PHF21B: variants seen among roughly 807,000 people sequenced by gnomAD.
PHF21B encodes PHD finger protein 21B, also known as PHD finger protein 4.
Under a neutral mutation model 62.2 loss-of-function variants are expected in PHF21B, and 22 were observed. The ratio of observed to expected loss-of-function variants is 0.35; its 90% confidence interval spans 0.25 to 0.51. PHF21B has a LOEUF of 0.51. Among genes scored for constraint, PHF21B ranks in the 20% least tolerant of loss-of-function variants. The pLI is 0.97. For synonymous variants in PHF21B, 341 were observed against 314.7 expected (o/e 1.08, Z -0.88); for missense variants, 701 against 707.9 (o/e 0.99, Z 0.11).
At chr22:44,914,741 T>C (rs2147299347) in intron 4 of PHF21B, among the ~76,000 whole-genome samples, 1 of 152,310 alleles carries the variant, frequency 6.6e-6, no homozygotes, top group East Asian at 1.9e-4. Context: ...GATGCCACCC[T>C]GCAGCAGCCC....
At chr22:44,914,758 G>C (rs1460222946) in intron 4 of PHF21B, among the ~76,000 whole-genome samples, 2 of 152,216 alleles carry the variant, frequency 1.3e-5, no homozygotes, top group African/African-American at 4.8e-5. Context: ...GCCCCCCTTA[G>C]CCAGCCTGCC....
intron 2 of PHF21B, among the ~76,000 whole-genome samples, chr22:45,000,365 G>A (rs1034058400): frequency 2.0e-5 from 3 of 152,088 alleles, no homozygotes; most frequent in African/African-American, 7.2e-5. Context: ...GGAGTGTGGC[G>A]CCCTCAGGAC....
In PHF21B at chr22:45,009,408, C is replaced by G. The variant is rs1246810372; in HGVS notation, c.54+88G>C. ...CTCCAGCCTGGAAGACCCAGAGACC[C>G]GGAAGAGAGGATGCTGGGCTCGGGT... On this transcript the variant is annotated intron_variant, in intron 1 of 12. Transcript: ENST00000313237. This position sits in a 1 kb window ranked among gnomAD's most constrained non-coding sequence, Gnocchi z 5.9. 5.2e-6 allele frequency: 7 copies of G among 1,342,574 alleles called. No individual in the cohort carries two copies. Among genetic ancestry groups the G allele is most frequent in the South Asian group, 1.4e-5 (1 of 71,144 alleles). 83.2% of individuals were successfully genotyped at this position (1,342,574 alleles called of 1,614,324 possible).
intron 2 of PHF21B, among the ~76,000 whole-genome samples, chr22:44,988,497 G>A (rs562362404): frequency 6.6e-6 from 1 of 151,966 alleles, no homozygotes; most frequent in South Asian, 2.1e-4. Context: ...GGAAATAGAA[G>A]GAAGAAAAAA....
chr22:44,895,569 C>T (rs1053350135), intron 6 of PHF21B, among the ~76,000 whole-genome samples: 3 of 152,192 alleles, frequency 2.0e-5, no homozygotes, highest in Admixed American at 6.5e-5. Context: ...GAGGACAGTT[C>T]GGCCATTACC....
intron 2 of PHF21B, among the ~76,000 whole-genome samples, chr22:44,943,455 T>C (rs1044416957): frequency 1.3e-5 from 2 of 152,176 alleles, no homozygotes; most frequent in South Asian, 4.1e-4. Context: ...ACGATGAGCA[T>C]GTGGGGCTCT....
At chr22:44,911,254 G>C (rs540412742) in intron 5 of PHF21B, among the ~76,000 whole-genome samples, 1 of 152,284 alleles carries the variant, frequency 6.6e-6, no homozygotes, top group Admixed American at 6.5e-5. Flanking sequence ...CAATGCGATA[G>C]AAAAGAAAAA....
intron 2 of PHF21B, among the ~76,000 whole-genome samples, chr22:44,933,089 G>C (rs1271407347): frequency 1.3e-5 from 2 of 151,554 alleles, no homozygotes; most frequent in Non-Finnish European, 2.9e-5. Context: ...CCCCGCTGTG[G>C]AAACAGCTTC....
chr22:44,975,560 C>T (rs540353927), intron 2 of PHF21B, among the ~76,000 whole-genome samples: 1 of 152,366 alleles, frequency 6.6e-6, no homozygotes, highest in East Asian at 1.9e-4. Flanking sequence ...TAAGCATTTA[C>T]AGAACACCGA....
chr22:44,915,772 C>G (rs4487191), intron 4 of PHF21B, among the ~76,000 whole-genome samples: 1 of 152,172 alleles, frequency 6.6e-6, no homozygotes, highest in Non-Finnish European at 1.5e-5. Flanking sequence ...AACAGCACAA[C>G]CACCAGGAGC....
intron 2 of PHF21B, among the ~76,000 whole-genome samples, chr22:44,967,369 C>T (rs1601656436): frequency 6.6e-6 from 1 of 151,846 alleles, no homozygotes; most frequent in African/African-American, 2.4e-5. Flanking sequence ...TACAGGTGCC[C>T]ATCACCACAC....
At chr22:44,970,000 A>C (rs1306906679) in intron 2 of PHF21B, among the ~76,000 whole-genome samples, 3 of 152,182 alleles carry the variant, frequency 2.0e-5, no homozygotes, top group African/African-American at 7.2e-5. Context: ...CAGCGCAGCC[A>C]CTTCATGAAA....
At chr22:44,957,377 A>G (rs1472101059) in intron 2 of PHF21B, among the ~76,000 whole-genome samples, 2 of 152,246 alleles carry the variant, frequency 1.3e-5, no homozygotes, top group African/African-American at 2.4e-5. Flanking sequence ...CTGACTGTAG[A>G]AGGAGTGAGA....
At chr22:44,911,681 C>T (rs1014216470) in intron 5 of PHF21B, among the ~76,000 whole-genome samples, 4 of 152,230 alleles carry the variant, frequency 2.6e-5, no homozygotes, top group South Asian at 2.1e-4. Flanking sequence ...CTTGGATATA[C>T]AGGCAGAAGT....
chr22:44,904,507 C>CAGTGACTTTCCCTCGGCAGTCTGCAGATA (rs1437014015), intron 5 of PHF21B, among the ~76,000 whole-genome samples: 12 of 93,526 alleles, frequency 1.3e-4, no homozygotes, highest in East Asian at 1.3e-3. Flanking sequence ...CTTAACTGAG[C>CAGTGACTTTCCCTCGGCAGTCTGCAGATA]TTCCAGAAGG....
At chr22:44,907,184 G>A (rs544398383) in intron 5 of PHF21B, among the ~76,000 whole-genome samples, 1 of 152,324 alleles carries the variant, frequency 6.6e-6, no homozygotes. Context: ...CCCACCCCCA[G>A]CCTCCGCCTC....
intron 5 of PHF21B, among the ~76,000 whole-genome samples, chr22:44,898,833 G>A (rs1177863000): frequency 3.3e-5 from 5 of 152,144 alleles, no homozygotes; most frequent in East Asian, 3.9e-4. Context: ...TGTGAAGTCC[G>A]GGCTCACTGC....
chr22:44,926,815 G>A (rs2071641409), intron 2 of PHF21B, among the ~76,000 whole-genome samples: 1 of 152,180 alleles, frequency 6.6e-6, no homozygotes, highest in Non-Finnish European at 1.5e-5. Context: ...GGGGGTGGCC[G>A]TGTCTGTATC....
At chr22:44,912,939 G>A (rs1313324893) in intron 5 of PHF21B, among the ~76,000 whole-genome samples, 1 of 149,178 alleles carries the variant, frequency 6.7e-6, no homozygotes, top group Non-Finnish European at 1.5e-5. Flanking sequence ...TGGGTGGGAA[G>A]GGTTGAATGG....
Sources: allele counts gnomAD v4.1 joint callset (sites outside exome capture counted in the v4.1 genomes callset), GRCh38; gene constraint gnomAD v4.1.1; non-coding constraint Gnocchi (gnomAD v3.1); transcripts MANE v1.5; gene names NCBI Gene and HGNC (gene_info 2026-07-23, HGNC 2026-07-21).